MKLN1: variants seen among roughly 807,000 people sequenced by gnomAD.
The protein encoded by MKLN1 is muskelin 1.
In MKLN1, 18 loss-of-function variants were observed where a neutral mutation model predicts 99.0. That is an observed-to-expected ratio of 0.18 (90% CI 0.13 to 0.27). The LOEUF is 0.27. Among genes scored for constraint, MKLN1 ranks in the 10% least tolerant of loss-of-function variants. MKLN1 has a pLI of 1.00. For synonymous variants in MKLN1, 288 were observed against 293.2 expected (o/e 0.98, Z 0.18); for missense variants, 621 against 875.9 (o/e 0.71, Z 3.67).
chr7:131,455,433 T>C (rs2116570755), intron 12 of MKLN1, among the ~76,000 whole-genome samples: 1 of 152,332 alleles, frequency 6.6e-6, no homozygotes, highest in South Asian at 2.1e-4. Flanking sequence ...AAAGAAGAAA[T>C]AGAGTTGAAG....
At chr7:131,217,315 G>A (rs1293069060) in intron 3 of MKLN1, among the ~76,000 whole-genome samples, 2 of 152,202 alleles carry the variant, frequency 1.3e-5, no homozygotes, top group African/African-American at 4.8e-5. Flanking sequence ...ACACAGTACA[G>A]GAAATGGGGA....
At chr7:131,458,415 G>C (rs1280354887) in intron 12 of MKLN1, among the ~76,000 whole-genome samples, 2 of 152,172 alleles carry the variant, frequency 1.3e-5, no homozygotes, top group African/African-American at 4.8e-5. Context: ...ATTTGTTGTT[G>C]CCTGAAGAAA....
chr7:131,273,750 A>C (rs1797921569), intron 3 of MKLN1, among the ~76,000 whole-genome samples: 1 of 151,412 alleles, frequency 6.6e-6, no homozygotes, highest in Admixed American at 6.6e-5. Flanking sequence ...TCAGGCTCCC[A>C]AGTAGCTGGA....
Position 131,490,014 on chromosome 7 carries a change from C to T in MKLN1, c.*2286C>T, listed in dbSNP as rs909946156. ...AGACTCTGTACTGTGGGGCTTTAATCGGAGCACTGCTGGAAATGATTGCAG... is the reference window on the plus strand; with the variant it reads ...AGACTCTGTACTGTGGGGCTTTAATTGGAGCACTGCTGGAAATGATTGCAG... On this transcript the variant is annotated 3_prime_UTR_variant, in exon 18 of 18. Coordinates refer to ENST00000352689, the MANE Select transcript of MKLN1 (RefSeq NM_013255.5). The T allele has an allele frequency of 9.2e-5, 14 of 152,572 alleles. No homozygotes were observed. The highest frequency in any genetic ancestry group is 8.3e-4 in the South Asian group (4 of 4,820). The allele number at this position is 152,572 out of a possible 1,614,324, so 9.5% of individuals were successfully genotyped here. A position where few individuals can be genotyped will look rare whatever the true frequency, so the allele number is the denominator to read the frequency against.
At chr7:131,474,759 G>T (rs906549690) in intron 16 of MKLN1, among the ~76,000 whole-genome samples, 5 of 152,184 alleles carry the variant, frequency 3.3e-5, no homozygotes, top group Non-Finnish European at 7.4e-5. Context: ...GACTTACCAA[G>T]TGTATTAGCC....
intron 2 of MKLN1, among the ~76,000 whole-genome samples, chr7:131,174,117 T>C (rs917896693): frequency 2.6e-5 from 4 of 151,642 alleles, no homozygotes; most frequent in African/African-American, 4.8e-5. Context: ...GGACTACAGG[T>C]GCCCGCCACC....
chr7:131,495,738 T>G lies in MKLN1; in HGVS notation c.*8010T>G, dbSNP rs1262907877. The G allele has an allele frequency of 6.6e-6, 1 of 152,186 alleles. No individual in the cohort carries two copies. The highest frequency in any genetic ancestry group is 1.5e-5 in the Non-Finnish European group (1 of 68,034). The allele number at this position is 152,186 out of a possible 1,614,324, so 9.4% of individuals were successfully genotyped here. A position where few individuals can be genotyped will look rare whatever the true frequency, so the allele number is the denominator to read the frequency against. On this transcript the variant is annotated 3_prime_UTR_variant, in exon 18 of 18. Coordinates refer to ENST00000352689, the MANE Select transcript of MKLN1 (RefSeq NM_013255.5). Reference sequence around the variant, plus strand: ...GACAGACAATCCGAAAATAATTGTGTTGATAGGTCTGTTTAAGCCTGAACT... The same window carrying G: ...GACAGACAATCCGAAAATAATTGTGGTGATAGGTCTGTTTAAGCCTGAACT...
chr7:131,373,304 T>A (rs1793527264), intron 1 of MKLN1, among the ~76,000 whole-genome samples: 1 of 151,864 alleles, frequency 6.6e-6, no homozygotes, highest in South Asian at 2.1e-4. Flanking sequence ...TGATTTTGGA[T>A]TTTTTTTGTC....
At chr7:131,421,832 A>G (rs1795203562) in intron 8 of MKLN1, among the ~76,000 whole-genome samples, 1 of 152,114 alleles carries the variant, frequency 6.6e-6, no homozygotes, top group African/African-American at 2.4e-5. Flanking sequence ...AAAGTAACTC[A>G]CTCATAATTC....
In MKLN1 at chr7:131,434,545, A is replaced by G. The variant is rs558799795; in HGVS notation, c.961-3240A>G. On this transcript the variant is annotated intron_variant, in intron 9 of 17. Coordinates refer to ENST00000352689, the MANE Select transcript of MKLN1 (RefSeq NM_013255.5). ...TCTTTCTGTTCTCTTTTCCTTCATT[A>G]TTTTATTTTATTTTTTGTTTATTTG... is the stretch of plus-strand genomic sequence containing the variant. Among the ~76,000 whole-genome samples, 3 of 151,236 alleles carry G rather than the reference A, an allele frequency of 2.0e-5. No homozygotes were observed. The East Asian group carries it at 5.8e-4, about 29-fold the overall frequency.
chr7:131,254,765 A>G (rs991611017), intron 3 of MKLN1, among the ~76,000 whole-genome samples: 6 of 152,210 alleles, frequency 3.9e-5, no homozygotes, highest in African/African-American at 2.4e-5. Context: ...GAGAAAAAAG[A>G]ACGAAGAAAT....
intron 10 of MKLN1, among the ~76,000 whole-genome samples, chr7:131,440,010 A>C (rs1795792753): frequency 6.6e-6 from 1 of 152,080 alleles, no homozygotes; most frequent in African/African-American, 2.4e-5. Context: ...AATACTCAGA[A>C]CTTTTGTTGA....
At chr7:131,295,200 T>G (rs1273097601) in intron 3 of MKLN1, among the ~76,000 whole-genome samples, 2 of 152,054 alleles carry the variant, frequency 1.3e-5, no homozygotes. Flanking sequence ...AAAGACAGAG[T>G]GTCACTATGT....
At chr7:131,313,796 G>A (rs754660076) in intron 3 of MKLN1, among the ~76,000 whole-genome samples, 2 of 152,196 alleles carry the variant, frequency 1.3e-5, no homozygotes, top group Non-Finnish European at 2.9e-5. Flanking sequence ...GCCCATTAAG[G>A]AGCAGGGCCA....
intron 8 of MKLN1, among the ~76,000 whole-genome samples, chr7:131,422,933 A>C (rs1035534590): frequency 6.6e-6 from 1 of 152,132 alleles, no homozygotes; most frequent in Non-Finnish European, 1.5e-5. Context: ...CAGTTTTATT[A>C]ATTGTAATCC....
chr7:131,375,545 ACACT>A (rs779207017), intron 2 of MKLN1, 52 bp downstream of exon 2: 1 of 1,072,648 alleles, frequency 9.3e-7, no homozygotes, highest in South Asian at 1.3e-5. Context: ...ATTTAAATAA[ACACT>A]CAATTGATAC....
chr7:131,347,415 G>A (rs1799595653), intron 1 of MKLN1, among the ~76,000 whole-genome samples: 1 of 152,146 alleles, frequency 6.6e-6, no homozygotes, highest in Non-Finnish European at 1.5e-5. Flanking sequence ...TGTATGGCAG[G>A]AATGAAGAGC....
intron 17 of MKLN1, among the ~76,000 whole-genome samples, chr7:131,486,458 T>C (rs1797281094): frequency 6.6e-6 from 1 of 152,158 alleles, no homozygotes; most frequent in African/African-American, 2.4e-5. Context: ...AATGTGCTGT[T>C]CTTGAGGTAT....
At chr7:131,421,098 G>A (rs1240341874) in intron 8 of MKLN1, among the ~76,000 whole-genome samples, 1 of 152,072 alleles carries the variant, frequency 6.6e-6, no homozygotes, top group Non-Finnish European at 1.5e-5. Context: ...CGGGATCTAG[G>A]TAGAAAAACT....
Sources: allele counts gnomAD v4.1 joint callset (sites outside exome capture counted in the v4.1 genomes callset), GRCh38; gene constraint gnomAD v4.1.1; transcripts MANE v1.5; gene names NCBI Gene and HGNC (gene_info 2026-07-23, HGNC 2026-07-21).